DCHS2: variants seen among roughly 807,000 people sequenced by gnomAD.
DCHS2 encodes the protein protocadherin-23.
Under a neutral mutation model 182.4 loss-of-function variants are expected in DCHS2, and 142 were observed. The ratio of observed to expected loss-of-function variants is 0.78; its 90% CI spans 0.68 to 0.89. The LOEUF (loss-of-function observed/expected upper bound fraction) is 0.89, where lower values mean the gene tolerates loss of function less well. DCHS2 is among the 40% of genes least tolerant of loss of function. DCHS2 has a pLI of 0.00. For missense variants in DCHS2, 4,319 were observed against 4,198.6 expected (o/e 1.03, Z -0.79); for synonymous variants, 1,740 against 1,663.3 (o/e 1.05, Z -1.12).
At chr4:154,336,622 C>G (rs926050758) in intron 3 of DCHS2, among the ~76,000 whole-genome samples, 16 of 152,070 alleles carry the variant, frequency 1.1e-4, no homozygotes, top group African/African-American at 3.9e-4. Flanking sequence ...CTTGCAACTT[C>G]GATTTCTTGT....
rs373453684 is a variant in DCHS2 at position 154,307,353 on chromosome 4, A to ATG, written c.5261-2124_5261-2123dup. Among the ~76,000 whole-genome samples the ATG allele has an allele frequency of 6.5e-3, 996 of 152,064 alleles. 3 individuals carry two copies. Among genetic ancestry groups the ATG allele is most frequent in the African/African-American group, 9.3e-3 (386 of 41,488 alleles). On this transcript the variant is annotated intron_variant, in intron 10 of 19. Coordinates refer to ENST00000357232, the MANE Select transcript of DCHS2 (RefSeq NM_001358235.2). Reference sequence around the variant, plus strand: ...TTATGACACATGCCCACTAAAAGATATGTGTGTGTGTGTGCCTGTGTATAT... The same window carrying ATG: ...TTATGACACATGCCCACTAAAAGATATGTGTGTGTGTGTGTGCCTGTGTATAT...
chr4:154,489,842 T>C lies in DCHS2; in HGVS notation c.1514A>G (p.Tyr505Cys), dbSNP rs1187658603. 3.9e-6 allele frequency: 6 copies of C among 1,549,790 alleles called. No individual in the cohort carries two copies. Among genetic ancestry groups the C allele is most frequent in the Non-Finnish European group, 5.2e-6 (6 of 1,145,648 alleles). ...GTCCGTGGCCACCAGTAGTAACTCA[T>C]ACAGATCGCGGCTCTCTCTGTCCAG... Reference protein sequence around the residue: ...GPLDRESRDLYELLLVATDAG... With the variant: ...GPLDRESRDLCELLLVATDAG... Residue 505 changes from tyrosine to cysteine, a missense_variant, in exon 1 of 20, where the codon TAT becomes TGT. Transcript: ENST00000357232.
At chr4:154,484,152 A>T (rs1035391690) in intron 1 of DCHS2, among the ~76,000 whole-genome samples, 38 of 152,132 alleles carry the variant, frequency 2.5e-4, no homozygotes, top group African/African-American at 9.2e-4. Flanking sequence ...TCTCACTCAC[A>T]TCTATACAAG....
chr4:154,391,111 C>T, intron 1 of DCHS2: 1 of 1,476,256 alleles, frequency 6.8e-7, no homozygotes, highest in Admixed American at 1.8e-5. Flanking sequence ...TGTAATTTAG[C>T]AGAAGGAACA....
In DCHS2 at chr4:154,272,991, G is replaced by T. The variant is rs149532686; in HGVS notation, c.6464-2978C>A. On this transcript the variant is annotated intron_variant, in intron 13 of 19. Coordinates refer to ENST00000357232, the MANE Select transcript of DCHS2 (RefSeq NM_001358235.2). ...TTCCTCATAGTTCCACTTCTACGCTGTTGGTGAAAATGTAAACTAGTACGA... is the reference window on the plus strand; with the variant it reads ...TTCCTCATAGTTCCACTTCTACGCTTTTGGTGAAAATGTAAACTAGTACGA... Among the ~76,000 whole-genome samples the T allele has an allele frequency of 2.6e-4, 39 of 152,142 alleles. No homozygotes were observed. In the East Asian group the frequency reaches 7.2e-3, roughly 28 times the overall value.
chr4:154,479,950 G>A (rs1290221779), intron 1 of DCHS2, among the ~76,000 whole-genome samples: 1 of 152,164 alleles, frequency 6.6e-6, no homozygotes, highest in Non-Finnish European at 1.5e-5. Context: ...TGACAGCTCT[G>A]AAATATTGTG....
At chr4:154,399,563 G>C (rs1732071702) in intron 1 of DCHS2, among the ~76,000 whole-genome samples, 1 of 152,144 alleles carries the variant, frequency 6.6e-6, no homozygotes, top group Non-Finnish European at 1.5e-5. Context: ...AGGAAAATGA[G>C]AACTGCGAAT....
At chr4:154,417,202 T>TGGGAGAGAGAGA (rs1393416915) in intron 1 of DCHS2, among the ~76,000 whole-genome samples, 1 of 41,954 alleles carries the variant, frequency 2.4e-5, no homozygotes, top group Admixed American at 3.3e-4. Flanking sequence ...TGTGTGTGTG[T>TGGGAGAGAGAGA]GTGAGAGAGA....
intron 1 of DCHS2, among the ~76,000 whole-genome samples, chr4:154,485,389 C>T (rs1728550501): frequency 6.6e-6 from 1 of 152,190 alleles, no homozygotes; most frequent in Non-Finnish European, 1.5e-5. Flanking sequence ...TTGAAAGAAA[C>T]AGATACACGC....
At chr4:154,380,853 T>C (rs2110817579) in intron 1 of DCHS2, among the ~76,000 whole-genome samples, 1 of 152,248 alleles carries the variant, frequency 6.6e-6, no homozygotes, top group East Asian at 1.9e-4. Context: ...GGGTCTTGAA[T>C]GCCTAGAATT....
At chr4:154,250,257 T>C (rs1372179788) in intron 16 of DCHS2, among the ~76,000 whole-genome samples, 1 of 152,120 alleles carries the variant, frequency 6.6e-6, no homozygotes, top group African/African-American at 2.4e-5. Context: ...CCCCTTGGTC[T>C]CCATGACATT....
Position 154,491,598 on chromosome 4 carries a change from G to GC in DCHS2, c.-244dup. ...CTCTGCCGCGGCAGCCACCTCTTCTGCCCCTGGATTTCTTTAAACGAATCT... is the reference window on the plus strand; with the variant it reads ...CTCTGCCGCGGCAGCCACCTCTTCTGCCCCCTGGATTTCTTTAAACGAATCT... On this transcript the variant is annotated 5_prime_UTR_variant, in exon 1 of 20. Transcript: ENST00000357232. 1 of 1,334,646 alleles carries GC rather than the reference G, an allele frequency of 7.5e-7. No individual in the cohort carries two copies. Among genetic ancestry groups the GC allele is most frequent in the Non-Finnish European group, 9.5e-7 (1 of 1,049,522 alleles). 82.7% of individuals were successfully genotyped at this position (1,334,646 alleles called of 1,614,324 possible). A position where few individuals can be genotyped will look rare whatever the true frequency, so the allele number is the denominator to read the frequency against.
intron 13 of DCHS2, among the ~76,000 whole-genome samples, chr4:154,294,243 C>T (rs2111269107): frequency 6.6e-6 from 1 of 152,180 alleles, no homozygotes; most frequent in Non-Finnish European, 1.5e-5. Flanking sequence ...TTCAAGGCTT[C>T]TTAAAATTGA....
intron 10 of DCHS2, among the ~76,000 whole-genome samples, chr4:154,308,808 C>T (rs1322977342): frequency 6.6e-6 from 1 of 152,070 alleles, no homozygotes; most frequent in African/African-American, 2.4e-5. Flanking sequence ...AATTCTCTAC[C>T]CTCATGGTGC....
chr4:154,441,379 C>G (rs62330361), intron 1 of DCHS2, among the ~76,000 whole-genome samples: 48,369 of 152,066 alleles, frequency 0.32, 9,190 homozygotes, highest in East Asian at 0.69. Context: ...TAATTAAACA[C>G]AGTAAATAAT....
intron 13 of DCHS2, among the ~76,000 whole-genome samples, chr4:154,279,432 C>G (rs1734018893): frequency 6.6e-6 from 1 of 151,824 alleles, no homozygotes; most frequent in South Asian, 2.1e-4. Context: ...AAATGCTATC[C>G]AAAAGAGTGT....
chr4:154,242,786 A>G lies in DCHS2; in HGVS notation c.6942-14T>C. On this transcript the variant is annotated splice_polypyrimidine_tract_variant and intron_variant, in intron 16 of 19. Coordinates refer to ENST00000357232, the MANE Select transcript of DCHS2 (RefSeq NM_001358235.2). Reference sequence around the variant, plus strand: ...TGGACAATCAAGCTGGTTTGGAAAAAGAATCAAAGAATGTGATTCATCATC... The same window carrying G: ...TGGACAATCAAGCTGGTTTGGAAAAGGAATCAAAGAATGTGATTCATCATC... 1.3e-6 allele frequency: 2 copies of G among 1,590,820 alleles called. No homozygotes were observed. Among genetic ancestry groups the G allele is most frequent in the Non-Finnish European group, 1.7e-6 (2 of 1,173,066 alleles).
At chr4:154,322,717 G>A (rs986095869) in intron 7 of DCHS2, 10 of 464,426 alleles carry the variant, frequency 2.2e-5, no homozygotes, top group African/African-American at 1.4e-4. Flanking sequence ...AAACTTTCAC[G>A]AGTCCATCAC....
chr4:154,307,208 CAT>C (rs1735471150), intron 10 of DCHS2, among the ~76,000 whole-genome samples: 1 of 152,118 alleles, frequency 6.6e-6, no homozygotes, highest in African/African-American at 2.4e-5. Flanking sequence ...ACAGAACAAA[CAT>C]AGCATCATCA....
Sources: allele counts gnomAD v4.1 joint callset (sites outside exome capture counted in the v4.1 genomes callset), GRCh38; gene constraint gnomAD v4.1.1; transcripts MANE v1.5; gene names NCBI Gene and HGNC (gene_info 2026-07-23, HGNC 2026-07-21).